Variants in LDLRAD4 observed in about 807,000 individuals in gnomAD.
LDLRAD4 encodes the protein low density lipoprotein receptor class A domain containing 4.
Under a neutral mutation model 17.0 loss-of-function variants are expected in LDLRAD4, and 5 were observed. The observed-to-expected ratio is 0.29, with a 90% CI of 0.15 to 0.62. The LOEUF (loss-of-function observed/expected upper bound fraction) is 0.62, where lower values mean the gene tolerates loss of function less well. LDLRAD4 is among the 20% of genes least tolerant of loss of function. LDLRAD4 has a pLI of 0.84. For missense variants in LDLRAD4, 340 were observed against 424.7 expected, an observed-to-expected ratio of 0.80 and a Z score of 1.75; for synonymous variants, 168 against 171.8, an observed-to-expected ratio of 0.98 and a Z score of 0.17.
At chr18:13,505,509 A>AT (rs2093675514) in intron 3 of LDLRAD4, among the ~76,000 whole-genome samples, 2 of 152,326 alleles carry the variant, frequency 1.3e-5, no homozygotes, top group South Asian at 4.1e-4. Context: ...TTTACTTAGC[A>AT]TACTAATAAT....
chr18:13,589,049 C>T (rs976401255), intron 3 of LDLRAD4, among the ~76,000 whole-genome samples: 1 of 151,832 alleles, frequency 6.6e-6, no homozygotes, highest in East Asian at 1.9e-4. Flanking sequence ...CTGCCTCAGC[C>T]TCCCGAGTAG....
At chr18:13,615,233 T>C (rs1458661278) in intron 3 of LDLRAD4, 1 of 152,278 alleles carries the variant, frequency 6.6e-6, no homozygotes, top group Non-Finnish European at 1.5e-5. Flanking sequence ...GGTGTTTACT[T>C]GGCCTGGGGA....
intron 1 of LDLRAD4, among the ~76,000 whole-genome samples, chr18:13,253,881 C>T (rs1339090979): frequency 6.6e-6 from 1 of 152,174 alleles, no homozygotes; most frequent in Non-Finnish European, 1.5e-5. Context: ...GTGGCGCCTC[C>T]CTCGCCTGCT....
intron 3 of LDLRAD4, among the ~76,000 whole-genome samples, chr18:13,517,858 C>T (rs10853236): frequency 0.31 from 47,363 of 151,914 alleles, 7,884 homozygotes; most frequent in Middle Eastern, 0.51. Flanking sequence ...CCTGCCTCAG[C>T]CTCCCTAGTA....
chr18:13,495,671 G>A lies in LDLRAD4; in HGVS notation c.181+57287G>A, dbSNP rs59230126. On this transcript the variant is annotated intron_variant, in intron 3 of 5. Coordinates refer to ENST00000359446, the Ensembl canonical transcript of LDLRAD4. ...CCTTTAGAGTGGTGAAGATGGCTCA[G>A]GAATAGATTAATAGACTCACAAATT... 6.7e-3 allele frequency among the ~76,000 whole-genome samples: 1,012 copies of A among 152,180 alleles called. 12 individuals are homozygous for A. The highest frequency in any genetic ancestry group is 0.023 in the African/African-American group (943 of 41,440).
chr18:13,414,536 T>G (rs917550023), intron 2 of LDLRAD4, among the ~76,000 whole-genome samples: 2 of 152,266 alleles, frequency 1.3e-5, no homozygotes, highest in Admixed American at 1.3e-4. Flanking sequence ...CACGATTAAC[T>G]GGAGAATATG....
At chr18:13,442,517 C>T (rs1159338692) in intron 3 of LDLRAD4, among the ~76,000 whole-genome samples, 10 of 152,182 alleles carry the variant, frequency 6.6e-5, no homozygotes, top group African/African-American at 7.2e-5. Flanking sequence ...GCGTGGGGCA[C>T]GGCTGAGAAA....
At chr18:13,625,344 G>A (rs1187417738) in intron 4 of LDLRAD4, among the ~76,000 whole-genome samples, 1 of 152,158 alleles carries the variant, frequency 6.6e-6, no homozygotes, top group East Asian at 1.9e-4. Flanking sequence ...ACATAGCTTG[G>A]GGCAATAGGA....
intron 3 of LDLRAD4, among the ~76,000 whole-genome samples, chr18:13,597,255 G>A (rs756335937): frequency 6.6e-6 from 1 of 151,966 alleles, no homozygotes; most frequent in Non-Finnish European, 1.5e-5. Context: ...TTGTCTTCTG[G>A]CTTTCATTGT....
rs917048581 is a variant in LDLRAD4 at position 13,509,647 on chromosome 18, A to G, written c.181+71263A>G. On this transcript the variant is annotated intron_variant, in intron 3 of 5. Coordinates refer to ENST00000359446, the Ensembl canonical transcript of LDLRAD4. ...TAAACTTAGTTGTTAAAGCATTGGTAGAGCTTGAGAGGATTGACTTCAATT... is the reference window on the plus strand; with the variant it reads ...TAAACTTAGTTGTTAAAGCATTGGTGGAGCTTGAGAGGATTGACTTCAATT... 5.2e-5 allele frequency among the ~76,000 whole-genome samples: 8 copies of G among 152,388 alleles called. No individual in the cohort carries two copies. In the South Asian group the frequency reaches 1.7e-3, roughly 32 times the overall value.
chr18:13,234,642 C>T (rs879425388), intron 1 of LDLRAD4, among the ~76,000 whole-genome samples: 3 of 152,132 alleles, frequency 2.0e-5, no homozygotes, highest in Non-Finnish European at 4.4e-5. Context: ...TGGGTTGGGA[C>T]AGGCCTCAGT....
chr18:13,220,796 C>T (rs1011102259), intron 1 of LDLRAD4, among the ~76,000 whole-genome samples: 1 of 152,198 alleles, frequency 6.6e-6, no homozygotes, highest in Non-Finnish European at 1.5e-5. Flanking sequence ...GGTAACCTCC[C>T]TGACTGATAG....
intron 2 of LDLRAD4, among the ~76,000 whole-genome samples, chr18:13,408,878 A>C (rs2088049517): frequency 6.7e-6 from 1 of 148,898 alleles, no homozygotes; most frequent in Non-Finnish European, 1.5e-5. Flanking sequence ...TTTTGCTTTT[A>C]GAAAGTTTGT....
At chr18:13,518,900 T>TA (rs1222637037) in intron 3 of LDLRAD4, among the ~76,000 whole-genome samples, 1 of 152,124 alleles carries the variant, frequency 6.6e-6, no homozygotes, top group Non-Finnish European at 1.5e-5. Flanking sequence ...GCCGCTAGGG[T>TA]AGGAAGGGTC....
At chr18:13,304,995 G>A (rs1053913458) in intron 1 of LDLRAD4, among the ~76,000 whole-genome samples, 2 of 151,648 alleles carry the variant, frequency 1.3e-5, no homozygotes, top group African/African-American at 2.4e-5. Context: ...AAACTGTGTG[G>A]GCCTACTTGT....
chr18:13,460,439 G>C (rs1203371039), intron 3 of LDLRAD4, among the ~76,000 whole-genome samples: 2 of 152,174 alleles, frequency 1.3e-5, no homozygotes, highest in African/African-American at 2.4e-5. Flanking sequence ...CAGTCCTCCT[G>C]CCTCAGCCTC....
At chr18:13,381,108 T>C (rs2085329784) in intron 1 of LDLRAD4, among the ~76,000 whole-genome samples, 2 of 135,926 alleles carry the variant, frequency 1.5e-5, no homozygotes, top group Admixed American at 8.4e-5. Context: ...GACAGGGTCT[T>C]GCTATGTTGC....
intron 3 of LDLRAD4, chr18:13,514,885 G>A (rs1262169982): frequency 6.6e-6 from 1 of 152,212 alleles, no homozygotes; most frequent in Non-Finnish European, 1.5e-5. Flanking sequence ...ACTATTTGTA[G>A]GTGAGCAAGC....
At chr18:13,633,187 C>T (rs1372433195) in intron 4 of LDLRAD4, among the ~76,000 whole-genome samples, 2 of 152,246 alleles carry the variant, frequency 1.3e-5, no homozygotes, top group African/African-American at 4.8e-5. Flanking sequence ...GATCCGATGT[C>T]TGTTCAAGTC....
Sources: allele counts gnomAD v4.1 joint callset (sites outside exome capture counted in the v4.1 genomes callset), GRCh38; gene constraint gnomAD v4.1.1; transcripts MANE v1.5; gene names NCBI Gene and HGNC (gene_info 2026-07-23, HGNC 2026-07-21).